The following MAPK15 variants were observed in gnomAD, a reference collection of about 807,000 sequenced individuals.
MAPK15 encodes the protein ERK-7.
A neutral mutation model predicts 60.8 loss-of-function variants in MAPK15; 61 were observed. The observed-to-expected ratio is 1.00, with a 90% confidence interval of 0.82 to 1.24. The LOEUF (loss-of-function observed/expected upper bound fraction) is 1.24. Among genes scored for constraint, MAPK15 ranks in the 50% most tolerant of loss-of-function variants. MAPK15 has a pLI of 0.00. For missense variants in MAPK15, 808 were observed against 741.1 expected (o/e 1.09, Z -1.05); for synonymous variants, 356 against 319.9 (o/e 1.11, Z -1.21).
At position 143,721,850 on chromosome 8, in the gene MAPK15, CGGTGGG is replaced by C; in HGVS notation, c.1430_1435del (p.Gly477_Gly478del). ...TGATCCGGGGTGACTGGAACCGGGG[CGGTGGG>C]GTGAGGGTGGCCAGCGTACAACAGG... On this transcript the variant is annotated inframe_deletion, in exon 13 of 14. Coordinates refer to ENST00000338033, the MANE Select transcript of MAPK15 (RefSeq NM_139021.3). 6.2e-7 allele frequency: 1 copy of C among 1,604,470 alleles called. No individual in the cohort carries two copies. Among genetic ancestry groups the C allele is most frequent in the Non-Finnish European group, 8.5e-7 (1 of 1,175,798 alleles).
chr8:143,718,650 A>G, intron 4 of MAPK15, 125 bp from the exon 5 acceptor site: 1 of 817,536 alleles, frequency 1.2e-6, no homozygotes, highest in Non-Finnish European at 2.0e-6. Context: ...AGGATGGAGG[A>G]GCGGGGCGGC....
chr8:143,718,175 C>T, intron 3 of MAPK15, 37 bp from the exon 4 acceptor site: 2 of 1,613,360 alleles, frequency 1.2e-6, no homozygotes, highest in Middle Eastern at 1.7e-4. Context: ...AGCACAGCCC[C>T]TCCTGGCCTT....
chr8:143,722,190 A>G lies in MAPK15; in HGVS notation c.1574A>G (p.Tyr525Cys). The G allele has an allele frequency of 1.2e-6, 2 of 1,609,548 alleles. No homozygotes were observed. The highest frequency in any genetic ancestry group is 1.7e-6 in the Non-Finnish European group (2 of 1,178,392). Residue 525 changes from tyrosine to cysteine, a missense_variant, in exon 14 of 14, where the codon TAC becomes TGC. Coordinates refer to ENST00000338033, the MANE Select transcript of MAPK15 (RefSeq NM_139021.3). The part of the protein sequence containing the change: ...RALLGGYSQA[Y>C]GTVCHSALGH... ...TTGCTTGGAGGCTACTCCCAAGCCT[A>G]CGGGACTGTCTGCCACTCGGCACTG...
chr8:143,717,967 TC>T (rs144696520), intron 2 of MAPK15, 79 bp from the exon 3 acceptor site: 44,404 of 1,595,292 alleles, frequency 0.028, 1,400 homozygotes, highest in African/African-American at 0.16. Flanking sequence ...GTGACAGACA[TC>T]AGCTCCTTTG....
At chr8:143,716,475 G>C (rs966255286) in intron 1 of MAPK15, 32 bp downstream of exon 1, 6 of 1,587,202 alleles carry the variant, frequency 3.8e-6, no homozygotes, top group Non-Finnish European at 4.3e-6. Flanking sequence ...CGCGCGCCGA[G>C]GGGCGCGGCA....
Position 143,720,379 on chromosome 8 carries a change from C to G in MAPK15, c.779+92C>G. On this transcript the variant is annotated intron_variant, in intron 8 of 13. Coordinates refer to ENST00000338033, the MANE Select transcript of MAPK15 (RefSeq NM_139021.3). This position sits in a 1 kb window ranked among gnomAD's most constrained non-coding sequence, Gnocchi z 4.6. ...GCAAGTTTACTGGGGCCAGTTTGTA[C>G]CAGTTCAGATTCTGCCTGTTTTCAA... 6.8e-7 allele frequency: 1 copy of G among 1,463,154 alleles called. No homozygotes were observed. Among genetic ancestry groups the G allele is most frequent in the Non-Finnish European group, 9.1e-7 (1 of 1,103,666 alleles). The allele number at this position is 1,463,154 out of a possible 1,614,324, so 90.6% of individuals were successfully genotyped here. A position where few individuals can be genotyped will look rare whatever the true frequency, so the allele number is the denominator to read the frequency against.
At chr8:143,719,280 C>T (rs2131577140) in intron 6 of MAPK15, 63 bp from the exon 7 acceptor site, 1 of 1,545,900 alleles carries the variant, frequency 6.5e-7, no homozygotes, top group East Asian at 2.3e-5. Flanking sequence ...ATTCACCCCC[C>T]AGCAACCCCA....
rs782484915 is a variant in MAPK15, at chr8:143,720,980, A to G, written c.918-20A>G. Reference sequence around the variant, plus strand: ...CTCCCTTGGCCGCAGCCCGGGCCCCACCTCCCTGGCTCCCTGCAGGTTCCA... The same window carrying G: ...CTCCCTTGGCCGCAGCCCGGGCCCCGCCTCCCTGGCTCCCTGCAGGTTCCA... On this transcript the variant is annotated intron_variant, in intron 9 of 13. Transcript: ENST00000338033. This position sits in a 1 kb window ranked among gnomAD's most constrained non-coding sequence, Gnocchi z 4.6. 12 of 1,596,410 alleles carry G rather than the reference A, an allele frequency of 7.5e-6. No homozygotes were observed. The South Asian group carries it at 1.1e-4, about 15-fold the overall frequency.
In MAPK15 at chr8:143,718,899, C is replaced by T. The variant is rs534607450; in HGVS notation, c.411C>T (p.Asp137=). 4.9e-5 allele frequency: 78 copies of T among 1,605,460 alleles called. No individual in the cohort carries two copies. In the Admixed American group the frequency reaches 4.9e-4, roughly 10 times the overall value. ...FLHSGHVVHR[D]QKPSNVLLDA... ...ACTCGGGGCACGTTGTGCACCGGGA[C>T]CAGAAGGTGCGGTTCCCCCGCCCCC... Residue 137 remains aspartate, a synonymous_variant, in exon 5 of 14, where the codon GAC becomes GAT. Transcript: ENST00000338033.
Position 143,721,347 on chromosome 8 carries a change from GAC to G in MAPK15, c.1143_1144del (p.Pro382CysfsTer15). 2 of 1,613,602 alleles carry G rather than the reference GAC, an allele frequency of 1.2e-6. No individual in the cohort carries two copies. The highest frequency in any genetic ancestry group is 1.7e-6 in the Non-Finnish European group (2 of 1,179,934). On this transcript the variant is annotated frameshift_variant, in exon 11 of 14. Transcript: ENST00000338033. LOFTEE classifies it high-confidence loss of function. ...PRADPQLPSR[T>X]PVQGPRPRPQ... ...GAGCCGACCCTCAGCTGCCTTCTAG[GAC>G]ACCTGTGCAGGGTCCCAGACCCAGG...
At position 143,716,358 on chromosome 8, in the gene MAPK15, C is replaced by A; in HGVS notation, c.-20C>A. On this transcript the variant is annotated 5_prime_UTR_variant, in exon 1 of 14. Transcript: ENST00000338033. ...CGGCAACCGACTCAACAGTAAGGCC[C>A]CGCGGGCGTCCTGGCCGCCATGTGC... is the stretch of plus-strand genomic sequence containing the variant. 1 of 1,588,916 alleles carries A rather than the reference C, an allele frequency of 6.3e-7. No individual in the cohort carries two copies. The highest frequency in any genetic ancestry group is 2.4e-5 in the East Asian group (1 of 41,614).
chr8:143,718,313 C>A lies in MAPK15; in HGVS notation c.286+11C>A, dbSNP rs1554618837. On this transcript the variant is annotated intron_variant, in intron 4 of 13. Coordinates refer to ENST00000338033, the MANE Select transcript of MAPK15 (RefSeq NM_139021.3). ...TGTTTGAGTTTATGGGTGAGTGAGG[C>A]CCCGGCCAGCGCCCCAGCCCCACCT... The A allele has an allele frequency of 1.2e-6, 2 of 1,612,516 alleles. No homozygotes were observed. The highest frequency in any genetic ancestry group is 1.3e-5 in the African/African-American group (1 of 75,018).
Position 143,721,655 on chromosome 8 carries a change from C to A in MAPK15, c.1311C>A (p.Pro437=), listed in dbSNP as rs782716128. ...GGCCCCCTGGGGCGAAGGAAGCGCC[C>A]CCCTTGACACTCTCGCTGGTAAGTC... ...GERPPGAKEA[P]PLTLSLVKPS... is the part of the protein sequence containing the mutation. The change falls in exon 12 of 14, where the codon CCC becomes CCA. Residue 437 remains proline (P), a synonymous_variant. Coordinates refer to ENST00000338033, the MANE Select transcript of MAPK15 (RefSeq NM_139021.3). 3.5e-5 allele frequency: 56 copies of A among 1,608,674 alleles called. No individual in the cohort carries two copies. Among genetic ancestry groups the A allele is most frequent in the Non-Finnish European group, 4.8e-5 (56 of 1,177,082 alleles).
At chr8:143,718,732 C>A in intron 4 of MAPK15, 43 bp from the exon 5 acceptor site, 1 of 955,520 alleles carries the variant, frequency 1.0e-6, no homozygotes, top group Non-Finnish European at 1.5e-6. Context: ...AGGTTGCCCC[C>A]CCAGCCCCCC....
rs1190746711 is a variant in MAPK15, at chr8:143,722,203, C to A, written c.1587C>A (p.Cys529Ter). 6.2e-7 allele frequency: 1 copy of A among 1,606,512 alleles called. No homozygotes were observed. Among genetic ancestry groups the A allele is most frequent in the Non-Finnish European group, 8.5e-7 (1 of 1,176,662 alleles). The change falls in exon 14 of 14, where the codon TGC becomes TGA. Residue 529 changes from cysteine to a stop codon, truncating the protein, a stop_gained. Coordinates refer to ENST00000338033, the MANE Select transcript of MAPK15 (RefSeq NM_139021.3). LOFTEE classifies it high-confidence loss of function. Reference protein sequence around the residue: ...GGYSQAYGTVCHSALGHLPLL... With the variant: ...GGYSQAYGTV ...ACTCCCAAGCCTACGGGACTGTCTG[C>A]CACTCGGCACTGGGCCACCTGCCCC... is the stretch of plus-strand genomic sequence containing the variant.
rs1554619245 is a variant in MAPK15, at chr8:143,719,375, G to T, written c.614G>T (p.Gly205Val). The T allele has an allele frequency of 1.2e-6, 2 of 1,611,378 alleles. No homozygotes were observed. The highest frequency in any genetic ancestry group is 1.7e-6 in the Non-Finnish European group (2 of 1,178,738). The stretch of plus-strand genomic sequence containing the variant: ...CTTGGGGTGGACATGTGGAGTCTGG[G>T]CTGTATCCTGGGGGAGATGCTGCGG... ...YTLGVDMWSL[G>V]CILGEMLRGR... is the part of the protein sequence containing the mutation. The change falls in exon 7 of 14, where the codon GGC becomes GTC. Residue 205 changes from glycine (G) to valine (V), a missense_variant. Gly to Val is a moderately radical substitution (Grantham distance 109). Coordinates refer to ENST00000338033, the MANE Select transcript of MAPK15 (RefSeq NM_139021.3).
At chr8:143,721,165 A>C in intron 10 of MAPK15, 60 bp downstream of exon 10, 1 of 1,593,070 alleles carries the variant, frequency 6.3e-7, no homozygotes, top group Non-Finnish European at 8.6e-7. Flanking sequence ...GCTGCCTCCT[A>C]TGTCAGAGAC....
chr8:143,716,603 C>T (rs1275270735), intron 1 of MAPK15, among the ~76,000 whole-genome samples, 160 bp downstream of exon 1: 1 of 152,198 alleles, frequency 6.6e-6, no homozygotes, highest in Non-Finnish European at 1.5e-5. Context: ...CCCTTCGTGC[C>T]TCAGTTTCCT....
chr8:143,719,229 T>G, intron 6 of MAPK15, 73 bp downstream of exon 6: 1 of 1,493,304 alleles, frequency 6.7e-7, no homozygotes, highest in South Asian at 1.3e-5. Flanking sequence ...CTCCCAGGCC[T>G]CCCGTACTCC....
Sources: allele counts gnomAD v4.1 joint callset (sites outside exome capture counted in the v4.1 genomes callset), GRCh38; gene constraint gnomAD v4.1.1; non-coding constraint Gnocchi (gnomAD v3.1); transcripts MANE v1.5; gene names NCBI Gene and HGNC (gene_info 2026-07-23, HGNC 2026-07-21).